The following FOXP1 variants were observed in gnomAD, a reference collection of about 807,000 sequenced individuals.
The protein encoded by FOXP1 is forkhead box protein P1.
A neutral mutation model predicts 98.2 loss-of-function variants in FOXP1; 15 were observed. The observed-to-expected ratio is 0.15, with a 90% CI of 0.10 to 0.24. The LOEUF (loss-of-function observed/expected upper bound fraction) is 0.24, where lower values mean the gene tolerates loss of function less well. Among genes scored for constraint, FOXP1 ranks in the 10% least tolerant of loss-of-function variants. The pLI is 1.00. For synonymous variants in FOXP1, 371 were observed against 314.5 expected, an observed-to-expected ratio of 1.18 and a Z score of -1.90; for missense variants, 633 against 848.5, an observed-to-expected ratio of 0.75 and a Z score of 3.15.
At chr3:71,520,761 G>A (rs1408788821) in intron 2 of FOXP1, among the ~76,000 whole-genome samples, 2 of 152,186 alleles carry the variant, frequency 1.3e-5, no homozygotes, top group Non-Finnish European at 2.9e-5. Flanking sequence ...GGTTGGCATT[G>A]ACAAGTCAAT....
At chr3:71,350,051 CG>C (rs2077678271) in intron 4 of FOXP1, among the ~76,000 whole-genome samples, 2 of 152,124 alleles carry the variant, frequency 1.3e-5, no homozygotes, top group Non-Finnish European at 2.9e-5. Context: ...TCACTTATTA[CG>C]TATTTATTAA....
At position 71,503,028 on chromosome 3, in the gene FOXP1, C is replaced by G. The variant is rs1022218232; in HGVS notation, c.-297-9473G>C. On this transcript the variant is annotated intron_variant, in intron 2 of 20. Transcript: ENST00000649528. ...TAGCCTCTAATGTAAAACTGAAAAG[C>G]CTTCCATTATTGGAAAAGGAGTAAA... is the stretch of plus-strand genomic sequence containing the variant. Among the ~76,000 whole-genome samples, 6 of 148,782 alleles carry G rather than the reference C, an allele frequency of 4.0e-5. No homozygotes were observed. In the South Asian group the frequency reaches 1.3e-3, roughly 32 times the overall value.
intron 3 of FOXP1, among the ~76,000 whole-genome samples, chr3:71,451,361 C>T (rs931918402): frequency 1.1e-4 from 17 of 152,166 alleles, no homozygotes; most frequent in Admixed American, 9.8e-4. Flanking sequence ...TGAAATGCAA[C>T]TCAAATGTGC....
intron 3 of FOXP1, among the ~76,000 whole-genome samples, chr3:71,456,144 TAGCAACAGCCCTTCCCTAGCA>T (rs1476825485): frequency 6.6e-6 from 1 of 151,794 alleles, no homozygotes; most frequent in Non-Finnish European, 1.5e-5. Context: ...TTGAGGGAGG[TAGCAACAGCCCTTCCCTAGCA>T]AAGATATATG....
In FOXP1 at chr3:70,956,760, T is replaced by G. The variant is rs1280811907; in HGVS notation, c.*2487A>C. The G allele has an allele frequency of 1.0e-5, 2 of 193,176 alleles. No homozygotes were observed. Among genetic ancestry groups the G allele is most frequent in the African/African-American group, 5.5e-5 (2 of 36,370 alleles). 12.0% of individuals were successfully genotyped at this position (193,176 alleles called of 1,614,324 possible). ...TTTTTTTTTTTTTTTTTTTTTTTTTTTTTTTTTTTTTTTAAAGTCTTGCGT... is the reference window on the plus strand; with the variant it reads ...TTTTTTTTTTTTTTTTTTTTTTTTTGTTTTTTTTTTTTTAAAGTCTTGCGT... On this transcript the variant is annotated 3_prime_UTR_variant, in exon 21 of 21. Coordinates refer to ENST00000649528, the MANE Select transcript of FOXP1 (RefSeq NM_001349338.3).
chr3:71,300,535 C>G (rs2073754511), intron 4 of FOXP1, among the ~76,000 whole-genome samples: 1 of 152,078 alleles, frequency 6.6e-6, no homozygotes, highest in Non-Finnish European at 1.5e-5. Flanking sequence ...ACAAAGAAAC[C>G]ATGGAACACA....
intron 3 of FOXP1, among the ~76,000 whole-genome samples, chr3:71,384,514 A>G (rs944140490): frequency 2.0e-5 from 3 of 152,246 alleles, no homozygotes; most frequent in Non-Finnish European, 4.4e-5. Context: ...CAATTTTATT[A>G]GAATCTCAAA....
intron 2 of FOXP1, among the ~76,000 whole-genome samples, chr3:71,504,884 T>C (rs1419352256): frequency 1.3e-5 from 2 of 152,230 alleles, no homozygotes; most frequent in African/African-American, 4.8e-5. Context: ...GTGCAAAGCC[T>C]GTGCTGCACT....
At chr3:71,531,876 G>C (rs1005952910) in intron 2 of FOXP1, among the ~76,000 whole-genome samples, 2 of 152,148 alleles carry the variant, frequency 1.3e-5, no homozygotes, top group Non-Finnish European at 2.9e-5. Context: ...AGTGGAGGAC[G>C]CATGAAATTT....
chr3:71,155,942 A>G (rs1487157898), intron 6 of FOXP1, among the ~76,000 whole-genome samples: 2 of 152,220 alleles, frequency 1.3e-5, no homozygotes, highest in Non-Finnish European at 2.9e-5. Flanking sequence ...GCTTTGGACA[A>G]TCAAGGAAAA....
rs1222992775 is a variant in FOXP1 at position 71,523,486 on chromosome 3, AAAG to A, written c.-297-29934_-297-29932del. The stretch of plus-strand genomic sequence containing the variant: ...AATTGTACGTATTTCAGACTTAGAT[AAAG>A]AAGGAGCAGCCAAGATGCCAATATA... On this transcript the variant is annotated intron_variant, in intron 2 of 20. Coordinates refer to ENST00000649528, the MANE Select transcript of FOXP1 (RefSeq NM_001349338.3). Among the ~76,000 whole-genome samples, 9 of 152,318 alleles carry A rather than the reference AAAG, an allele frequency of 5.9e-5. No individual in the cohort carries two copies. In the South Asian group the frequency reaches 1.9e-3, roughly 32 times the overall value.
intron 7 of FOXP1, among the ~76,000 whole-genome samples, chr3:71,082,254 G>A (rs1488541880): frequency 6.7e-6 from 1 of 150,320 alleles, no homozygotes; most frequent in African/African-American, 2.5e-5. Context: ...ACTCCAGCCT[G>A]GGTGACACAG....
chr3:71,579,798 T>G (rs1420740511), intron 2 of FOXP1, among the ~76,000 whole-genome samples: 2 of 152,110 alleles, frequency 1.3e-5, no homozygotes, highest in Non-Finnish European at 2.9e-5. Context: ...CAGTTCTTGG[T>G]AGCAAGACAG....
chr3:71,340,064 T>C lies in FOXP1; in HGVS notation c.-73+19086A>G, dbSNP rs148283566. On this transcript the variant is annotated intron_variant, in intron 4 of 20. Transcript: ENST00000649528. The stretch of plus-strand genomic sequence containing the variant: ...AAATACCCTTTTAAACATCTTTAAG[T>C]GAGGAAGTATCTTTTGATGCATATG... Among the ~76,000 whole-genome samples, 144 of 152,312 alleles carry C rather than the reference T, an allele frequency of 9.5e-4. 1 individual carries two copies. The highest frequency in any genetic ancestry group is 3.3e-3 in the African/African-American group (138 of 41,576).
At chr3:71,436,794 T>C (rs2085404804) in intron 3 of FOXP1, among the ~76,000 whole-genome samples, 1 of 152,152 alleles carries the variant, frequency 6.6e-6, no homozygotes, top group African/African-American at 2.4e-5. Context: ...AGTGGTGATC[T>C]GTAGGCAGGA....
chr3:71,426,520 T>G (rs1404053916), intron 3 of FOXP1, among the ~76,000 whole-genome samples: 1 of 152,156 alleles, frequency 6.6e-6, no homozygotes, highest in Non-Finnish European at 1.5e-5. Context: ...GCCAACTAAA[T>G]GTGGTTTCTG....
chr3:71,028,867 C>T (rs2046475871), intron 11 of FOXP1, among the ~76,000 whole-genome samples: 1 of 152,160 alleles, frequency 6.6e-6, no homozygotes, highest in Non-Finnish European at 1.5e-5. Flanking sequence ...TCATAAGGAG[C>T]ACACAACCTA....
Position 71,111,976 on chromosome 3 carries a change from G to A in FOXP1, c.282+560C>T, listed in dbSNP as rs576297442. Among the ~76,000 whole-genome samples, 9 of 152,198 alleles carry A rather than the reference G, an allele frequency of 5.9e-5. 1 individual carries two copies. The South Asian group carries it at 1.2e-3, about 21-fold the overall frequency. On this transcript the variant is annotated intron_variant, in intron 7 of 20. Coordinates refer to ENST00000649528, the MANE Select transcript of FOXP1 (RefSeq NM_001349338.3). ...CTATTGACATTCTGGGATGAATCACGGTGTGTCGTGTCCTGTGCATTGCAG... is the reference window on the plus strand; with the variant it reads ...CTATTGACATTCTGGGATGAATCACAGTGTGTCGTGTCCTGTGCATTGCAG...
chr3:71,576,149 C>T (rs1194488012), intron 2 of FOXP1, among the ~76,000 whole-genome samples: 2 of 152,210 alleles, frequency 1.3e-5, no homozygotes, highest in East Asian at 3.9e-4. Context: ...CCTCTGATAT[C>T]TTCAAACTGT....
Sources: allele counts gnomAD v4.1 joint callset (sites outside exome capture counted in the v4.1 genomes callset), GRCh38; gene constraint gnomAD v4.1.1; transcripts MANE v1.5; gene names NCBI Gene and HGNC (gene_info 2026-07-23, HGNC 2026-07-21).